CXCR6: variants seen among roughly 807,000 people sequenced by gnomAD.
The protein encoded by CXCR6 is C-X-C chemokine receptor type 6.
In CXCR6, 3 loss-of-function variants were observed where a neutral mutation model predicts 1.6. The ratio of observed to expected loss-of-function variants is 1.83; its 90% CI spans 0.83 to 4.72. The LOEUF is 4.72. Ranked by LOEUF, CXCR6 falls within the 30% of genes most tolerant of loss-of-function variation. The pLI, the probability that CXCR6 is intolerant of heterozygous loss-of-function variation, is 0.02. For synonymous variants in CXCR6, 171 were observed against 159.2 expected (o/e 1.07, Z -0.56); for missense variants, 326 against 414.8 (o/e 0.79, Z 1.86).
intron 1 of CXCR6, among the ~76,000 whole-genome samples, chr3:45,944,008 C>A (rs1704416953): frequency 6.6e-6 from 1 of 152,056 alleles, no homozygotes; most frequent in Non-Finnish European, 1.5e-5. Context: ...CCCATAATTC[C>A]ACCAGCTGGA....
At chr3:45,942,605 C>T (rs7627147), upstream of CXCR6, among the ~76,000 whole-genome samples, 13,753 of 152,196 alleles carry the variant, frequency 0.09, 2,161 homozygotes, top group African/African-American at 0.32. Context: ...AGTACCCTCT[C>T]CACTACAAGG....
At chr3:45,945,130 C>T (rs957366021) in intron 1 of CXCR6, 1 of 152,194 alleles carries the variant, frequency 6.6e-6, no homozygotes, top group African/African-American at 2.4e-5. Flanking sequence ...GACACTGCTC[C>T]CAGTCAGGAC....
In CXCR6 at chr3:45,947,620, T is replaced by C. The variant is rs1704713902; in HGVS notation, c.*110T>C. 4 of 816,698 alleles carry C rather than the reference T, an allele frequency of 4.9e-6. No homozygotes were observed. The South Asian group carries it at 6.9e-5, about 14-fold the overall frequency. 50.6% of individuals were successfully genotyped at this position (816,698 alleles called of 1,614,324 possible). On this transcript the variant is annotated 3_prime_UTR_variant, in exon 2 of 2. Coordinates refer to ENST00000304552, the MANE Select transcript of CXCR6 (RefSeq NM_006564.2). Reference sequence around the variant, plus strand: ...TAGCTTGCGCATTCTCATGGAGAAGTTATCAGACACTCTGGCTGGTTTGGA... The same window carrying C: ...TAGCTTGCGCATTCTCATGGAGAAGCTATCAGACACTCTGGCTGGTTTGGA...
At chr3:45,942,808 C>G (rs2234350), upstream of CXCR6, among the ~76,000 whole-genome samples, 119,790 of 152,246 alleles carry the variant, frequency 0.79, 47,676 homozygotes, top group East Asian at 0.96. Context: ...AGCCAGCCTA[C>G]GCAGGGTGGG....
At position 45,947,222 on chromosome 3, in the gene CXCR6, C is replaced by A. The variant is rs1263765731; in HGVS notation, c.741C>A (p.Phe247Leu). The change falls in exon 2 of 2, where the codon TTC becomes TTA. Residue 247 changes from phenylalanine (F) to leucine (L), a missense_variant. Transcript: ENST00000304552. Reference sequence around the variant, plus strand: ...TGTTCCTGCTGACCCAGATGCCCTTCAACCTCATGAAGTTCATCCGCAGCA... The same window carrying A: ...TGTTCCTGCTGACCCAGATGCCCTTAAACCTCATGAAGTTCATCCGCAGCA... ...MAVFLLTQMPFNLMKFIRSTH... is the reference protein window; with the variant it reads ...MAVFLLTQMPLNLMKFIRSTH... The A allele has an allele frequency of 6.2e-7, 1 of 1,614,100 alleles. No individual in the cohort carries two copies. Among genetic ancestry groups the A allele is most frequent in the Non-Finnish European group, 8.5e-7 (1 of 1,180,056 alleles).
At chr3:45,943,168 A>C (rs946950690), upstream of CXCR6, among the ~76,000 whole-genome samples, 1 of 152,174 alleles carries the variant, frequency 6.6e-6, no homozygotes, top group Non-Finnish European at 1.5e-5. Context: ...CTGACTAGTG[A>C]ATTAAGTAAT....
chr3:45,942,068 C>G, upstream of CXCR6, among the ~76,000 whole-genome samples: 1 of 152,226 alleles, frequency 6.6e-6, no homozygotes, highest in East Asian at 1.9e-4. Context: ...GAACACCTCA[C>G]TCATTTGTAC....
Position 45,947,328 on chromosome 3 carries a change from C to T in CXCR6, c.847C>T (p.Leu283Phe), listed in dbSNP as rs1162118824. 3 of 1,614,098 alleles carry T rather than the reference C, an allele frequency of 1.9e-6. No individual in the cohort carries two copies. Among genetic ancestry groups the T allele is most frequent in the Non-Finnish European group, 2.5e-6 (3 of 1,180,052 alleles). The part of the protein sequence containing the change: ...TEAIAYLRAC[L>F]NPVLYAFVSL... The stretch of plus-strand genomic sequence containing the variant: ...GGCCATCGCATACCTGAGGGCCTGC[C>T]TTAACCCTGTGCTCTATGCCTTTGT... Residue 283 changes from leucine to phenylalanine, a missense_variant, in exon 2 of 2, where the codon CTT (leucine) becomes TTT (phenylalanine). Transcript: ENST00000304552.
rs746357307 is a variant in CXCR6 at position 45,947,516 on chromosome 3, G to A, written c.*6G>A. On this transcript the variant is annotated 3_prime_UTR_variant, in exon 2 of 2. Coordinates refer to ENST00000304552, the MANE Select transcript of CXCR6 (RefSeq NM_006564.2). ...CCAGCATGTTCCAGTTATAGGCCTTGCCAGGGTTTCGAGAAGCTGCTCTGG... is the reference window on the plus strand; with the variant it reads ...CCAGCATGTTCCAGTTATAGGCCTTACCAGGGTTTCGAGAAGCTGCTCTGG... 87 of 1,608,154 alleles carry A rather than the reference G, an allele frequency of 5.4e-5. No homozygotes were observed. The highest frequency in any genetic ancestry group is 3.4e-6 in the Non-Finnish European group (4 of 1,175,318).
chr3:45,942,301 G>A (rs555464397), upstream of CXCR6, among the ~76,000 whole-genome samples: 25 of 152,306 alleles, frequency 1.6e-4, no homozygotes, highest in African/African-American at 5.8e-4. Context: ...CTATCTGTAC[G>A]TGACTAGGAT....
chr3:45,943,933 A>G (rs1704407441), intron 1 of CXCR6, among the ~76,000 whole-genome samples: 2 of 152,202 alleles, frequency 1.3e-5, no homozygotes, highest in Non-Finnish European at 2.9e-5. Flanking sequence ...TCTTTTTTCA[A>G]TATAAATCAA....
chr3:45,947,058 G>C lies in CXCR6; in HGVS notation c.577G>C (p.Ala193Pro). 2 of 1,614,168 alleles carry C rather than the reference G, an allele frequency of 1.2e-6. No individual in the cohort carries two copies. Among genetic ancestry groups the C allele is most frequent in the Non-Finnish European group, 1.7e-6 (2 of 1,180,018 alleles). Residue 193 changes from alanine to proline, a missense_variant, in exon 2 of 2, where the codon GCC becomes CCC. Ala to Pro is a conservative substitution (Grantham distance 27, BLOSUM62 -1). Coordinates refer to ENST00000304552, the MANE Select transcript of CXCR6 (RefSeq NM_006564.2). ...HDEAISTVVL[A>P]TQMTLGFFLP... ...CGAGGCAATTTCCACTGTGGTTCTT[G>C]CCACCCAGATGACACTGGGGTTCTT...
Position 45,947,629 on chromosome 3 carries a change from ACT to A in CXCR6, c.*122_*123del, listed in dbSNP as rs1435459669. On this transcript the variant is annotated 3_prime_UTR_variant, in exon 2 of 2. Transcript: ENST00000304552. ...CATTCTCATGGAGAAGTTATCAGACACTCTGGCTGGTTTGGAATGCTTCTTCT... is the reference window on the plus strand; with the variant it reads ...CATTCTCATGGAGAAGTTATCAGACACTGGCTGGTTTGGAATGCTTCTTCT... The A allele has an allele frequency of 2.6e-6, 2 of 768,360 alleles. No individual in the cohort carries two copies. The highest frequency in any genetic ancestry group is 2.2e-6 in the Non-Finnish European group (1 of 464,538). 47.6% of individuals were successfully genotyped at this position (768,360 alleles called of 1,614,324 possible).
chr3:45,947,734 C>A lies in CXCR6; in HGVS notation c.*224C>A, dbSNP rs905731563. 18 of 545,356 alleles carry A rather than the reference C, an allele frequency of 3.3e-5. No individual in the cohort carries two copies. The African/African-American group carries it at 3.4e-4, about 10-fold the overall frequency. 33.8% of individuals were successfully genotyped at this position (545,356 alleles called of 1,614,324 possible). ...GTAGGGGGTCTAAAATTTTTAAGGACTTTCCTTCCTCCATCTCCAAGAATG... is the reference window on the plus strand; with the variant it reads ...GTAGGGGGTCTAAAATTTTTAAGGAATTTCCTTCCTCCATCTCCAAGAATG... On this transcript the variant is annotated 3_prime_UTR_variant, in exon 2 of 2. Transcript: ENST00000304552.
Position 45,946,598 on chromosome 3 carries a change from G to T in CXCR6, c.117G>T (p.Leu39=). The change falls in exon 2 of 2, where the codon CTG becomes CTT. Residue 39 remains leucine (L), a synonymous_variant. Coordinates refer to ENST00000304552, the MANE Select transcript of CXCR6 (RefSeq NM_006564.2). ...AGGTCTTTCTGCCCTGCATGTACCT[G>T]GTGGTGTTTGTCTGTGGTCTGGTGG... ...FSKVFLPCMY[L]VVFVCGLVGN... is the part of the protein sequence containing the mutation. 1 of 1,614,178 alleles carries T rather than the reference G, an allele frequency of 6.2e-7. No individual in the cohort carries two copies. The highest frequency in any genetic ancestry group is 1.1e-5 in the South Asian group (1 of 91,080).
Position 45,947,421 on chromosome 3 carries a change from G to T in CXCR6, c.940G>T (p.Val314Phe). The change falls in exon 2 of 2, where the codon GTC becomes TTC. Residue 314 changes from valine (V) to phenylalanine (F), a missense_variant. Physicochemically the swap from Val to Phe is conservative, Grantham distance 50 (BLOSUM62 -1). Transcript: ENST00000304552. Reference sequence around the variant, plus strand: ...CATTGGTTGCCTCCCTTACCTTGGGGTCTCACATCAATGGAAATCTTCTGA... The same window carrying T: ...CATTGGTTGCCTCCCTTACCTTGGGTTCTCACATCAATGGAAATCTTCTGA... ...KDIGCLPYLG[V>F]SHQWKSSEDN... is the part of the protein sequence containing the mutation. 4.3e-6 allele frequency: 7 copies of T among 1,614,212 alleles called. No homozygotes were observed. Among genetic ancestry groups the T allele is most frequent in the Non-Finnish European group, 5.1e-6 (6 of 1,180,024 alleles).
rs868728217 is a variant in CXCR6 at position 45,946,430 on chromosome 3, C to A, written c.-21-31C>A. ...AAGACAAAGAATGCCATCCTCAGCC[C>A]CAAATATAATTCCTGGGTTCTGACT... On this transcript the variant is annotated intron_variant, in intron 1 of 1. Transcript: ENST00000304552. The A allele has an allele frequency of 2.0e-6, 3 of 1,514,350 alleles. No homozygotes were observed. The Middle Eastern group carries it at 5.3e-4, about 265-fold the overall frequency. 93.8% of individuals were successfully genotyped at this position (1,514,350 alleles called of 1,614,324 possible).
upstream of CXCR6, among the ~76,000 whole-genome samples, chr3:45,942,064 C>T (rs1189470581): frequency 6.6e-6 from 1 of 152,188 alleles, no homozygotes; most frequent in African/African-American, 2.4e-5. Flanking sequence ...TAAGGAACAC[C>T]TCACTCATTT....
At chr3:45,942,180 A>G (rs1704270268), upstream of CXCR6, among the ~76,000 whole-genome samples, 1 of 152,238 alleles carries the variant, frequency 6.6e-6, no homozygotes, top group African/African-American at 2.4e-5. Flanking sequence ...GCACAGCTCC[A>G]TACTCAGAGC....
Sources: allele counts gnomAD v4.1 joint callset (sites outside exome capture counted in the v4.1 genomes callset), GRCh38; gene constraint gnomAD v4.1.1; transcripts MANE v1.5; gene names NCBI Gene and HGNC (gene_info 2026-07-23, HGNC 2026-07-21).